The following CCM2 variants were observed in gnomAD, a reference collection of about 807,000 sequenced individuals.
CCM2 encodes the protein CCM2 scaffold protein.
CCM2 carries 25 observed loss-of-function variants against 44.9 expected under a neutral mutation model. The ratio of observed to expected loss-of-function variants is 0.56; its 90% confidence interval spans 0.41 to 0.78. The LOEUF is 0.78. Among genes scored for constraint, CCM2 ranks in the 30% least tolerant of loss-of-function variants. The probability of loss-of-function intolerance (pLI) is 0.00; values close to 1 mark genes in which losing one functional copy is unlikely to be tolerated. For missense variants in CCM2, 481 were observed against 580.6 expected (o/e 0.83, Z 1.76); for synonymous variants, 219 against 241.1 (o/e 0.91, Z 0.85).
intron 1 of CCM2, among the ~76,000 whole-genome samples, chr7:45,005,154 A>T (rs188383861): frequency 1.2e-4 from 19 of 152,166 alleles, no homozygotes; most frequent in Non-Finnish European, 2.4e-4. Flanking sequence ...GCAACTTGGT[A>T]ACTCAGGGTC....
Position 45,047,877 on chromosome 7 carries a change from A to G in CCM2, c.204+9451A>G, listed in dbSNP as rs554278694. ...TGGATCTCCCTGTATCATTTCTTAT[A>G]ATAAGAGAATTTACAATTACCTTAA... On this transcript the variant is annotated intron_variant, in intron 2 of 9. Coordinates refer to ENST00000258781, the MANE Select transcript of CCM2 (RefSeq NM_031443.4). Among the ~76,000 whole-genome samples the G allele has an allele frequency of 2.6e-5, 4 of 152,328 alleles. No individual in the cohort carries two copies. In the South Asian group the frequency reaches 8.3e-4, roughly 32 times the overall value.
At chr7:45,001,748 A>G (rs1795642678) in intron 1 of CCM2, among the ~76,000 whole-genome samples, 1 of 152,176 alleles carries the variant, frequency 6.6e-6, no homozygotes, top group Non-Finnish European at 1.5e-5. Context: ...AACATGAAAC[A>G]CCCAGCAAAT....
At chr7:45,068,315 G>T in intron 4 of CCM2, 128 bp from the exon 5 acceptor site, 1 of 1,226,872 alleles carries the variant, frequency 8.2e-7, no homozygotes, top group East Asian at 2.3e-5. Flanking sequence ...CACCTGAGTC[G>T]TTCTGTGGGT....
Position 45,068,457 on chromosome 7 carries a change from A to G in CCM2, c.487A>G (p.Ile163Val), listed in dbSNP as rs1798891223. ...VVLKTAQDPG[I>V]SPSQSLCAES... ...TGACTTCTCAGCCCAGGACCCAGGG[A>G]TCTCCCCCAGCCAGAGTCTGTGTGC... Residue 163 changes from isoleucine (I) to valine (V), a missense_variant, in exon 5 of 10, where the codon ATC becomes GTC. Physicochemically the swap from Ile to Val is conservative, Grantham distance 29. Transcript: ENST00000258781. The G allele has an allele frequency of 6.2e-7, 1 of 1,613,964 alleles. No homozygotes were observed.
intron 9 of CCM2, among the ~76,000 whole-genome samples, chr7:45,075,568 G>C (rs1005552250): frequency 1.3e-5 from 2 of 152,238 alleles, no homozygotes; most frequent in African/African-American, 4.8e-5. Context: ...AGCAGTGTCT[G>C]TCAAGAGTTG....
intron 2 of CCM2, among the ~76,000 whole-genome samples, chr7:45,041,499 G>C (rs1158267257): frequency 1.3e-5 from 2 of 152,162 alleles, no homozygotes; most frequent in African/African-American, 4.8e-5. Flanking sequence ...CCCAGACTAT[G>C]AGCCGAAGAA....
intron 2 of CCM2, among the ~76,000 whole-genome samples, chr7:45,045,599 G>A (rs1255017225): frequency 6.6e-6 from 1 of 152,168 alleles, no homozygotes; most frequent in Non-Finnish European, 1.5e-5. Flanking sequence ...AGACCATCCT[G>A]GCTAACATGG....
chr7:45,018,078 A>C (rs977200996), intron 1 of CCM2, among the ~76,000 whole-genome samples: 1 of 152,072 alleles, frequency 6.6e-6, no homozygotes, highest in African/African-American at 2.4e-5. Context: ...ATATCAGATC[A>C]TCAGGCATTA....
At chr7:45,022,295 T>C (rs1297804749) in intron 1 of CCM2, among the ~76,000 whole-genome samples, 9 of 124,874 alleles carry the variant, frequency 7.2e-5, no homozygotes, top group African/African-American at 2.7e-4. Context: ...ACCAGCTTTT[T>C]TTTTTTTTTT....
intron 2 of CCM2, among the ~76,000 whole-genome samples, chr7:45,052,459 G>A (rs1798057660): frequency 6.6e-6 from 1 of 152,132 alleles, no homozygotes. Flanking sequence ...TTAAGGGAGA[G>A]GCTTCAGAAC....
At chr7:45,024,871 A>G (rs564598474) in intron 1 of CCM2, among the ~76,000 whole-genome samples, 28 of 152,298 alleles carry the variant, frequency 1.8e-4, no homozygotes, top group East Asian at 1.9e-4. Flanking sequence ...TGTCTCTTAC[A>G]TTCAGCCTAC....
intron 1 of CCM2, among the ~76,000 whole-genome samples, chr7:45,023,034 C>A (rs889066940): frequency 1.3e-5 from 2 of 152,136 alleles, no homozygotes; most frequent in Non-Finnish European, 2.9e-5. Context: ...AGCCACCTCA[C>A]CCTGCAAGTC....
intron 1 of CCM2, among the ~76,000 whole-genome samples, chr7:45,015,750 G>T (rs1182623520): frequency 6.6e-6 from 1 of 152,138 alleles, no homozygotes; most frequent in Admixed American, 6.5e-5. Flanking sequence ...AAGGGGAAGG[G>T]ATAGTGAGAA....
intron 1 of CCM2, among the ~76,000 whole-genome samples, chr7:45,015,944 A>G (rs1796246846): frequency 6.6e-6 from 1 of 152,224 alleles, no homozygotes; most frequent in African/African-American, 2.4e-5. Context: ...GACCGAAGAA[A>G]AGAAAGAAAA....
At chr7:45,025,410 T>C (rs182100958) in intron 1 of CCM2, among the ~76,000 whole-genome samples, 19 of 151,456 alleles carry the variant, frequency 1.3e-4, no homozygotes, top group African/African-American at 4.7e-4. Context: ...AACCCCGCAG[T>C]TCTCCTTCAC....
At chr7:45,038,207 G>A in intron 1 of CCM2, 46 bp from the exon 2 acceptor site, 1 of 1,609,836 alleles carries the variant, frequency 6.2e-7, no homozygotes, top group Non-Finnish European at 8.5e-7. Flanking sequence ...ACAACACAAA[G>A]CATTTGTAAA....
intron 4 of CCM2, among the ~76,000 whole-genome samples, chr7:45,067,197 CTT>C (rs539848444): frequency 4.2e-5 from 6 of 141,200 alleles, no homozygotes; most frequent in Admixed American, 7.1e-5. Flanking sequence ...CTGTGCCCGC[CTT>C]TTTTTTTTTT....
At chr7:45,009,792 A>G (rs1245643373) in intron 1 of CCM2, among the ~76,000 whole-genome samples, 1 of 152,180 alleles carries the variant, frequency 6.6e-6, no homozygotes, top group Non-Finnish European at 1.5e-5. Flanking sequence ...GCATTCCTCA[A>G]TAAATTGCAG....
intron 2 of CCM2, among the ~76,000 whole-genome samples, chr7:45,054,300 C>G (rs1375077199): frequency 1.3e-5 from 2 of 152,088 alleles, no homozygotes; most frequent in East Asian, 1.9e-4. Flanking sequence ...GGATAGGTCA[C>G]TTCTGTAGGC....
Sources: allele counts gnomAD v4.1 joint callset (sites outside exome capture counted in the v4.1 genomes callset), GRCh38; gene constraint gnomAD v4.1.1; transcripts MANE v1.5; gene names NCBI Gene and HGNC (gene_info 2026-07-23, HGNC 2026-07-21).